ST7: variants seen among roughly 807,000 people sequenced by gnomAD.
The protein encoded by ST7 is suppression of tumorigenicity 7.
In ST7, 28 loss-of-function variants were observed where a neutral mutation model predicts 78.7. That is an observed-to-expected ratio of 0.36 (90% CI 0.26 to 0.49). The LOEUF (loss-of-function observed/expected upper bound fraction) is 0.49, where lower values mean the gene tolerates loss of function less well. ST7 is among the 20% of genes least tolerant of loss of function. The probability of loss-of-function intolerance (pLI) is 0.99; values close to 1 mark genes in which losing one functional copy is unlikely to be tolerated. For missense variants in ST7, 418 were observed against 696.0 expected (o/e 0.60, Z 4.49); for synonymous variants, 247 against 249.6 (o/e 0.99, Z 0.10).
chr7:117,194,326 C>T (rs1810075495), intron 12 of ST7, among the ~76,000 whole-genome samples: 1 of 152,180 alleles, frequency 6.6e-6, no homozygotes, highest in Non-Finnish European at 1.5e-5. Flanking sequence ...ATTTTTTCCA[C>T]TTCATAACTA....
chr7:117,198,215 G>A (rs1314192600), intron 12 of ST7: 3 of 387,248 alleles, frequency 7.7e-6, no homozygotes, highest in Non-Finnish European at 1.6e-5. Flanking sequence ...CTGATGACAG[G>A]TAAATGAAAT....
intron 1 of ST7, among the ~76,000 whole-genome samples, chr7:116,976,562 T>C (rs971022733): frequency 1.3e-5 from 2 of 152,212 alleles, no homozygotes; most frequent in Non-Finnish European, 2.9e-5. Flanking sequence ...TAAAACCTCA[T>C]GTGGGCCATA....
chr7:117,165,180 G>A (rs1178457068), intron 9 of ST7, among the ~76,000 whole-genome samples: 1 of 152,130 alleles, frequency 6.6e-6, no homozygotes, highest in Non-Finnish European at 1.5e-5. Flanking sequence ...GCCTTGAGCT[G>A]AGAGAGGGCC....
intron 1 of ST7, among the ~76,000 whole-genome samples, chr7:117,015,223 G>T (rs935980768): frequency 6.6e-6 from 1 of 152,118 alleles, no homozygotes; most frequent in Admixed American, 6.6e-5. Context: ...ACATACCTTT[G>T]TTGTTTCTTC....
At chr7:117,125,025 G>A (rs868140945) in intron 3 of ST7, among the ~76,000 whole-genome samples, 1 of 152,068 alleles carries the variant, frequency 6.6e-6, no homozygotes, top group Non-Finnish European at 1.5e-5. Flanking sequence ...AGGACCTTTC[G>A]GGCTGCTCTC....
At chr7:117,126,732 C>T (rs1411439755) in intron 3 of ST7, among the ~76,000 whole-genome samples, 1 of 150,770 alleles carries the variant, frequency 6.6e-6, no homozygotes, top group Non-Finnish European at 1.5e-5. Flanking sequence ...AGAGGGAGGG[C>T]TGAAAAAAAA....
chr7:117,198,890 T>C (rs1810553066), intron 12 of ST7, among the ~76,000 whole-genome samples: 3 of 152,076 alleles, frequency 2.0e-5, no homozygotes, highest in Admixed American at 2.0e-4. Flanking sequence ...CATATTTCCC[T>C]GTCTGAGTAA....
chr7:117,009,969 GTGT>G (rs1795322933), intron 1 of ST7, among the ~76,000 whole-genome samples: 4 of 152,094 alleles, frequency 2.6e-5, no homozygotes, highest in Admixed American at 1.3e-4. Flanking sequence ...CAACAAACAG[GTGT>G]TGTGTATCCA....
chr7:117,160,150 T>C (rs1807012148), intron 9 of ST7, among the ~76,000 whole-genome samples: 1 of 149,854 alleles, frequency 6.7e-6, no homozygotes, highest in Admixed American at 6.6e-5. Flanking sequence ...GGAGTATCAC[T>C]TGAACCCAGG....
At position 117,224,011 on chromosome 7, in the gene ST7, T is replaced by C. The variant is rs974934152; in HGVS notation, c.1638+1949T>C. ...ACTTATAATCATAGCCTCTTAGAGT[T>C]GAAAGGGACCTGAAGCAAATTGCCT... On this transcript the variant is annotated intron_variant, in intron 15 of 15. Coordinates refer to ENST00000323984, the MANE Select transcript of ST7 (RefSeq NM_001369598.1). The C allele has an allele frequency of 3.3e-6, 3 of 919,998 alleles. No homozygotes were observed. The African/African-American group carries it at 5.4e-5, about 16-fold the overall frequency. The allele number at this position is 919,998 out of a possible 1,614,324, so 57.0% of individuals were successfully genotyped here. A position where few individuals can be genotyped will look rare whatever the true frequency, so the allele number is the denominator to read the frequency against.
rs185233028 is a variant in ST7, at chr7:117,109,217, T to G, written c.234+9373T>G. Among the ~76,000 whole-genome samples, 265 of 152,320 alleles carry G rather than the reference T, an allele frequency of 1.7e-3. 1 individual carries two copies. Among genetic ancestry groups the G allele is most frequent in the African/African-American group, 5.1e-3 (214 of 41,574 alleles). Reference sequence around the variant, plus strand: ...TTCAACTTTTCCTCGTTCAGTATAATGTTGGCTGGGGGTTTGTCAGAGATG... The same window carrying G: ...TTCAACTTTTCCTCGTTCAGTATAAGGTTGGCTGGGGGTTTGTCAGAGATG... On this transcript the variant is annotated intron_variant, in intron 2 of 15. Coordinates refer to ENST00000323984, the MANE Select transcript of ST7 (RefSeq NM_001369598.1).
At chr7:117,226,774 C>T (rs1423518871) in intron 15 of ST7, among the ~76,000 whole-genome samples, 3 of 152,046 alleles carry the variant, frequency 2.0e-5, no homozygotes, top group Admixed American at 1.3e-4. Flanking sequence ...AACTGGGGCT[C>T]GTGGGAGAGT....
rs532968205 is a variant in ST7 at position 117,020,591 on chromosome 7, A to G, written c.151+66900A>G. 613 of 1,548,932 alleles carry G rather than the reference A, an allele frequency of 4.0e-4. 3 individuals are homozygous for G. In the African/African-American group the frequency reaches 6.5e-3, roughly 16 times the overall value. On this transcript the variant is annotated intron_variant, in intron 1 of 15. Coordinates refer to ENST00000323984, the MANE Select transcript of ST7 (RefSeq NM_001369598.1). ...TTCTTTCTTCTAATTTTTAAAAAGC[A>G]GCCTCTGGAGCCAGCCATGTTTGGC...
intron 9 of ST7, among the ~76,000 whole-genome samples, chr7:117,143,394 ACT>A (rs1344459534): frequency 6.6e-6 from 1 of 151,860 alleles, no homozygotes; most frequent in African/African-American, 2.4e-5. Context: ...AGAAAACTAT[ACT>A]CTTAGTTTCC....
At chr7:117,120,650 T>C (rs1007151805) in intron 3 of ST7, among the ~76,000 whole-genome samples, 2 of 152,232 alleles carry the variant, frequency 1.3e-5, no homozygotes, top group African/African-American at 2.4e-5. Context: ...AAATCAAATG[T>C]CACCTCCTGG....
At chr7:117,228,212 C>T (rs551899189) in intron 15 of ST7, among the ~76,000 whole-genome samples, 4 of 152,310 alleles carry the variant, frequency 2.6e-5, no homozygotes, top group South Asian at 2.1e-4. Context: ...ATTCCTGCTC[C>T]TTTCAACAGA....
intron 9 of ST7, among the ~76,000 whole-genome samples, chr7:117,152,041 C>T (rs945112419): frequency 2.0e-5 from 3 of 150,822 alleles, no homozygotes; most frequent in Non-Finnish European, 4.4e-5. Flanking sequence ...ATCGCTTGAA[C>T]CGGGGAGGCA....
intron 9 of ST7, 62 bp downstream of exon 9, chr7:117,138,594 A>G: frequency 4.1e-6 from 5 of 1,211,778 alleles, no homozygotes; most frequent in Non-Finnish European, 6.0e-6. Context: ...CTGAATGGCC[A>G]TAGCAGTCTG....
chr7:117,153,454 G>A (rs940274010), intron 9 of ST7, among the ~76,000 whole-genome samples: 1 of 152,154 alleles, frequency 6.6e-6, no homozygotes, highest in African/African-American at 2.4e-5. Flanking sequence ...GAGTAAAAAA[G>A]AAGAGGAGGG....
Sources: allele counts gnomAD v4.1 joint callset (sites outside exome capture counted in the v4.1 genomes callset), GRCh38; gene constraint gnomAD v4.1.1; transcripts MANE v1.5; gene names NCBI Gene and HGNC (gene_info 2026-07-23, HGNC 2026-07-21).